Variants in SNAP91 observed in about 807,000 individuals in gnomAD.
SNAP91 encodes the protein synaptosome associated protein 91.
SNAP91 carries 27 observed loss-of-function variants against 100.3 expected under a neutral mutation model. That is an observed-to-expected ratio of 0.27 (90% CI 0.20 to 0.37). The LOEUF is 0.37. SNAP91 is among the 10% of genes least tolerant of loss of function. The pLI is 1.00. For missense variants in SNAP91, 986 were observed against 1,123.7 expected (o/e 0.88, Z 1.75); for synonymous variants, 404 against 398.6 (o/e 1.01, Z -0.16).
rs564502734 is a variant in SNAP91, at chr6:83,593,301, T to C, written c.1697-42A>G. ...ACATGCCTTTACTCAACTTGAACAA[T>C]AAGCCTGACACAGCATCACTTCCCA... On this transcript the variant is annotated intron_variant, in intron 18 of 29. Transcript: ENST00000369694. The C allele has an allele frequency of 7.1e-6, 11 of 1,551,946 alleles. No individual in the cohort carries two copies. The East Asian group carries it at 1.4e-4, about 20-fold the overall frequency.
chr6:83,597,467 C>T (rs1439642118), intron 16 of SNAP91, among the ~76,000 whole-genome samples: 71 of 152,092 alleles, frequency 4.7e-4, no homozygotes, highest in Admixed American at 4.7e-3. Context: ...TTCATGTTAC[C>T]CATTTGCAGT....
chr6:83,688,862 C>G (rs1216571467), intron 2 of SNAP91, among the ~76,000 whole-genome samples: 1 of 152,114 alleles, frequency 6.6e-6, no homozygotes, highest in Non-Finnish European at 1.5e-5. Context: ...AGTCATACCA[C>G]CACGATAGCA....
At chr6:83,614,788 A>T (rs925669605) in intron 11 of SNAP91, 69 bp downstream of exon 11, 33 of 1,132,708 alleles carry the variant, frequency 2.9e-5, no homozygotes, top group Non-Finnish European at 4.0e-5. Context: ...CAAATGTGGA[A>T]TCTTAAGAGT....
At chr6:83,670,477 TA>T (rs1466485964) in intron 2 of SNAP91, among the ~76,000 whole-genome samples, 1 of 151,928 alleles carries the variant, frequency 6.6e-6, no homozygotes, top group East Asian at 1.9e-4. Flanking sequence ...CCTCTAAATC[TA>T]TGGCTTCCCT....
At chr6:83,676,130 G>A (rs969738714) in intron 2 of SNAP91, among the ~76,000 whole-genome samples, 4 of 150,966 alleles carry the variant, frequency 2.6e-5, no homozygotes, top group Non-Finnish European at 5.9e-5. Context: ...AAAAAAGAAT[G>A]TGACATACTT....
chr6:83,589,365 T>C (rs1475782836), intron 22 of SNAP91, among the ~76,000 whole-genome samples: 1 of 152,194 alleles, frequency 6.6e-6, no homozygotes, highest in Non-Finnish European at 1.5e-5. Flanking sequence ...TATTCCATGA[T>C]GTTCTTTAGT....
At chr6:83,658,939 C>T in intron 6 of SNAP91, 60 bp downstream of exon 6, 1 of 1,258,946 alleles carries the variant, frequency 7.9e-7, no homozygotes, top group Non-Finnish European at 1.1e-6. Flanking sequence ...ACCTGTAGCC[C>T]ATCTTCAAAT....
rs575345805 is a variant in SNAP91, at chr6:83,667,583, T to C, written c.131-2002A>G. On this transcript the variant is annotated intron_variant, in intron 2 of 29. Transcript: ENST00000369694. Reference sequence around the variant, plus strand: ...ATGTAACATGTTAACAGATTTATTATTATTTAAAAGTGAATTTTAAAAAAC... The same window carrying C: ...ATGTAACATGTTAACAGATTTATTACTATTTAAAAGTGAATTTTAAAAAAC... 1.8e-3 allele frequency among the ~76,000 whole-genome samples: 277 copies of C among 152,190 alleles called. 2 individuals carry two copies. The highest frequency in any genetic ancestry group is 6.4e-3 in the African/African-American group (266 of 41,568).
At chr6:83,569,401 A>G (rs946345434) in intron 26 of SNAP91, among the ~76,000 whole-genome samples, 8 of 152,244 alleles carry the variant, frequency 5.3e-5, no homozygotes, top group African/African-American at 1.9e-4. Flanking sequence ...AGTCTGTGAA[A>G]GTGCCTACCA....
intron 24 of SNAP91, among the ~76,000 whole-genome samples, chr6:83,578,999 C>T (rs1245662095): frequency 6.6e-6 from 1 of 151,974 alleles, no homozygotes; most frequent in East Asian, 1.9e-4. Flanking sequence ...AATGTCTTTT[C>T]CCTCACTGAA....
chr6:83,691,422 T>A (rs1042333551), intron 2 of SNAP91, among the ~76,000 whole-genome samples: 1 of 152,136 alleles, frequency 6.6e-6, no homozygotes, highest in African/African-American at 2.4e-5. Context: ...ACTAAAATGG[T>A]CAAAGTCCAA....
chr6:83,660,060 G>A (rs1341671717), intron 5 of SNAP91, among the ~76,000 whole-genome samples: 2 of 152,154 alleles, frequency 1.3e-5, no homozygotes, highest in East Asian at 3.9e-4. Flanking sequence ...AAAATACCCA[G>A]ATGATGTGGA....
intron 13 of SNAP91, among the ~76,000 whole-genome samples, chr6:83,606,016 G>A (rs1168635542): frequency 6.6e-6 from 1 of 152,050 alleles, no homozygotes; most frequent in African/African-American, 2.4e-5. Context: ...AGACTTTGAG[G>A]GCCAGTTGGT....
intron 22 of SNAP91, among the ~76,000 whole-genome samples, chr6:83,586,827 C>T (rs954106784): frequency 1.7e-4 from 26 of 150,646 alleles, no homozygotes; most frequent in Admixed American, 1.4e-3. Context: ...ATTATTCCTT[C>T]CTTTCTTCAT....
chr6:83,586,430 T>C (rs72901597), intron 22 of SNAP91, among the ~76,000 whole-genome samples: 1 of 152,340 alleles, frequency 6.6e-6, no homozygotes, highest in Non-Finnish European at 1.5e-5. Flanking sequence ...CTTATACTAG[T>C]ACAGATTTAT....
At chr6:83,595,132 C>A (rs905353366) in intron 16 of SNAP91, among the ~76,000 whole-genome samples, 1 of 151,770 alleles carries the variant, frequency 6.6e-6, no homozygotes, top group Non-Finnish European at 1.5e-5. Context: ...GTTAAGTTTA[C>A]TAAGGTTTAC....
At chr6:83,565,936 C>T (rs1795946737) in intron 26 of SNAP91, among the ~76,000 whole-genome samples, 1 of 152,066 alleles carries the variant, frequency 6.6e-6, no homozygotes, top group South Asian at 2.1e-4. Flanking sequence ...TTACACATGA[C>T]CCAGAGTTCT....
intron 2 of SNAP91, among the ~76,000 whole-genome samples, chr6:83,704,851 T>C (rs1177815937): frequency 6.6e-6 from 1 of 152,188 alleles, no homozygotes; most frequent in Non-Finnish European, 1.5e-5. Context: ...CCAACCAGTA[T>C]TTAATATTTT....
chr6:83,631,647 T>C (rs553210070), intron 8 of SNAP91, among the ~76,000 whole-genome samples: 1 of 152,304 alleles, frequency 6.6e-6, no homozygotes, highest in South Asian at 2.1e-4. Context: ...GATATAAGAA[T>C]AGCTCTTCCT....
Sources: allele counts gnomAD v4.1 joint callset (sites outside exome capture counted in the v4.1 genomes callset), GRCh38; gene constraint gnomAD v4.1.1; transcripts MANE v1.5; gene names NCBI Gene and HGNC (gene_info 2026-07-23, HGNC 2026-07-21).